SLC25A12: variants seen among roughly 807,000 people sequenced by gnomAD.
The protein encoded by SLC25A12 is solute carrier family 25 member 12, also known as electrogenic aspartate/glutamate antiporter SLC25A12, mitochondrial.
SLC25A12 carries 32 observed loss-of-function variants against 83.3 expected under a neutral mutation model. The ratio of observed to expected loss-of-function variants is 0.38; its 90% CI spans 0.29 to 0.52. The LOEUF (loss-of-function observed/expected upper bound fraction) is 0.52, where lower values mean the gene tolerates loss of function less well. SLC25A12 is among the 20% of genes least tolerant of loss of function. The pLI is 0.84. For synonymous variants in SLC25A12, 267 were observed against 291.1 expected (o/e 0.92, Z 0.84); for missense variants, 611 against 835.6 (o/e 0.73, Z 3.31).
chr2:171,794,100 T>G (rs1436778753), intron 13 of SLC25A12, among the ~76,000 whole-genome samples: 2 of 152,170 alleles, frequency 1.3e-5, no homozygotes, highest in Non-Finnish European at 1.5e-5. Context: ...CGGAGCCAGA[T>G]GTGGCAGCAA....
intron 11 of SLC25A12, among the ~76,000 whole-genome samples, chr2:171,811,589 A>G (rs1267262920): frequency 6.6e-6 from 1 of 152,220 alleles, no homozygotes; most frequent in Non-Finnish European, 1.5e-5. Context: ...GACCAGTTGC[A>G]AGCAATATAT....
At chr2:171,840,012 A>G (rs995810867) in intron 5 of SLC25A12, among the ~76,000 whole-genome samples, 4 of 152,180 alleles carry the variant, frequency 2.6e-5, no homozygotes, top group African/African-American at 7.2e-5. Context: ...CACAGTTGAG[A>G]GGGAGAATAC....
chr2:171,862,575 G>A (rs1001297222), intron 3 of SLC25A12, among the ~76,000 whole-genome samples: 2 of 152,090 alleles, frequency 1.3e-5, no homozygotes, highest in African/African-American at 2.4e-5. Flanking sequence ...TTAACATCCC[G>A]GAAAACATGG....
At chr2:171,822,440 G>A (rs1160531403) in intron 9 of SLC25A12, among the ~76,000 whole-genome samples, 3 of 152,172 alleles carry the variant, frequency 2.0e-5, no homozygotes, top group African/African-American at 7.2e-5. Flanking sequence ...CTGGAGTGCA[G>A]TAGTGTGATC....
intron 2 of SLC25A12, among the ~76,000 whole-genome samples, chr2:171,887,886 T>C (rs1374596502): frequency 1.3e-5 from 2 of 152,172 alleles, no homozygotes; most frequent in African/African-American, 4.8e-5. Context: ...CTGTTGTTGT[T>C]GATGTTTTTT....
At chr2:171,793,997 G>C (rs1331790712) in intron 13 of SLC25A12, among the ~76,000 whole-genome samples, 6 of 152,130 alleles carry the variant, frequency 3.9e-5, no homozygotes, top group Admixed American at 3.9e-4. Context: ...TTTGTTTCTA[G>C]CTGAAATGTC....
intron 4 of SLC25A12, among the ~76,000 whole-genome samples, chr2:171,845,007 T>C (rs1684763246): frequency 6.6e-6 from 1 of 152,130 alleles, no homozygotes; most frequent in South Asian, 2.1e-4. Context: ...AGAAAAACTA[T>C]CAAAAGCATA....
chr2:171,867,993 C>T (rs928574649), intron 3 of SLC25A12, among the ~76,000 whole-genome samples: 7 of 151,944 alleles, frequency 4.6e-5, no homozygotes, highest in Non-Finnish European at 8.8e-5. Context: ...TACAGGCGCC[C>T]GTCACCGTGT....
intron 2 of SLC25A12, among the ~76,000 whole-genome samples, chr2:171,892,418 G>C (rs1455984824): frequency 6.6e-6 from 1 of 151,944 alleles, no homozygotes; most frequent in Non-Finnish European, 1.5e-5. Flanking sequence ...GTAGAGACGG[G>C]GTTTCACCGT....
intron 2 of SLC25A12, among the ~76,000 whole-genome samples, chr2:171,870,184 A>G (rs1008664439): frequency 2.0e-5 from 3 of 152,248 alleles, no homozygotes; most frequent in Admixed American, 6.5e-5. Context: ...ACAAATAACT[A>G]GGCAAATCAA....
chr2:171,886,073 G>A lies in SLC25A12; in HGVS notation c.66+7132C>T, dbSNP rs576351378. On this transcript the variant is annotated intron_variant, in intron 2 of 17. Transcript: ENST00000422440. ...ACTTTGTTTTACAAATCAGAATCAT[G>A]CTATATATACTTATTTGCATCTTTC... Among the ~76,000 whole-genome samples, 11 of 152,088 alleles carry A rather than the reference G, an allele frequency of 7.2e-5. No homozygotes were observed. The South Asian group carries it at 2.3e-3, about 32-fold the overall frequency.
chr2:171,830,517 T>C (rs1005654634), intron 8 of SLC25A12, among the ~76,000 whole-genome samples: 2 of 152,144 alleles, frequency 1.3e-5, no homozygotes, highest in African/African-American at 4.8e-5. Flanking sequence ...GGTTGCTTTA[T>C]ATTTTTTTTT....
intron 4 of SLC25A12, among the ~76,000 whole-genome samples, chr2:171,850,352 T>G (rs1166539369): frequency 6.7e-5 from 9 of 135,328 alleles, no homozygotes; most frequent in Non-Finnish European, 1.1e-4. Flanking sequence ...TTTTTTTTTT[T>G]TTTTTTTTTT....
intron 15 of SLC25A12, chr2:171,788,320 A>C (rs1261454557): frequency 4.4e-6 from 1 of 229,720 alleles, no homozygotes; most frequent in Admixed American, 5.2e-5. Context: ...TTATGTATAA[A>C]AAAATGATAA....
intron 13 of SLC25A12, among the ~76,000 whole-genome samples, chr2:171,795,385 C>T (rs1683577826): frequency 1.3e-5 from 2 of 152,090 alleles, no homozygotes; most frequent in African/African-American, 2.4e-5. Context: ...TCTAAGCAAA[C>T]AATACTTTCA....
At position 171,856,954 on chromosome 2, in the gene SLC25A12, A is replaced by AGGATGGAGAAG. The variant is rs547362514; in HGVS notation, c.210-1016_210-1006dup. Among the ~76,000 whole-genome samples, 23 of 152,352 alleles carry AGGATGGAGAAG rather than the reference A, an allele frequency of 1.5e-4. 1 individual carries two copies. The South Asian group carries it at 4.6e-3, about 30-fold the overall frequency. Reference sequence around the variant, plus strand: ...TAGAGTTTGCTTCAAAATAATCCAGAGGATGGAGAAGAGATGGAGGTATAA... The same window carrying AGGATGGAGAAG: ...TAGAGTTTGCTTCAAAATAATCCAGAGGATGGAGAAGGGATGGAGAAGAGATGGAGGTATAA... On this transcript the variant is annotated intron_variant, in intron 3 of 17. Transcript: ENST00000422440.
intron 2 of SLC25A12, among the ~76,000 whole-genome samples, chr2:171,878,679 C>T (rs954912080): frequency 1.2e-4 from 19 of 152,186 alleles, no homozygotes; most frequent in African/African-American, 3.6e-4. Context: ...GATGAACTGA[C>T]ATTTTCAGAT....
chr2:171,884,500 T>C (rs1168986085), intron 2 of SLC25A12, among the ~76,000 whole-genome samples: 3 of 150,236 alleles, frequency 2.0e-5, no homozygotes, highest in Non-Finnish European at 4.4e-5. Context: ...GCACGGATGG[T>C]GGCTCTCATC....
At chr2:171,877,805 T>TA (rs1021300286) in intron 2 of SLC25A12, among the ~76,000 whole-genome samples, 2 of 152,030 alleles carry the variant, frequency 1.3e-5, no homozygotes, top group Non-Finnish European at 2.9e-5. Context: ...TGAATGAGCA[T>TA]AAAGCCCAAA....
Sources: gnomAD v4.1 joint callset for allele counts (sites outside exome capture counted in the v4.1 genomes callset) on GRCh38, gnomAD v4.1.1 for gene constraint, MANE v1.5 for transcripts, NCBI Gene and HGNC (gene_info 2026-07-23, HGNC 2026-07-21) for gene names.